COX5B: variants seen among roughly 807,000 people sequenced by gnomAD.
COX5B encodes cytochrome c oxidase subunit 5B, mitochondrial.
In COX5B, 8 loss-of-function variants were observed where a neutral mutation model predicts 16.2. The ratio of observed to expected loss-of-function variants is 0.49; its 90% confidence interval spans 0.29 to 0.89. COX5B has a LOEUF of 0.89. Among genes scored for constraint, COX5B ranks in the 40% least tolerant of loss-of-function variants. COX5B has a pLI of 0.08. For missense variants in COX5B, 161 were observed against 168.7 expected (o/e 0.95, Z 0.25); for synonymous variants, 65 against 67.6 (o/e 0.96, Z 0.19).
chr2:97,647,437 T>C lies in COX5B; in HGVS notation c.271T>C (p.Cys91Arg). 6.2e-7 allele frequency: 1 copy of C among 1,613,182 alleles called. No homozygotes were observed. The highest frequency in any genetic ancestry group is 8.5e-7 in the Non-Finnish European group (1 of 1,179,256). Residue 91 changes from cysteine to arginine, a missense_variant, in exon 3 of 4, where the codon TGC (cysteine) becomes CGC (arginine). Physicochemically the swap from Cys to Arg is radical, Grantham distance 180. Coordinates refer to ENST00000258424, the MANE Select transcript of COX5B (RefSeq NM_001862.3). ...PSISNKRIVG[C>R]ICEEDNTSVV... ...CATCTCCAACAAGAGAATAGTAGGC[T>C]GCATCTGTAAGTACCTCACCTCTAT...
intron 3 of COX5B, 126 bp downstream of exon 3, chr2:97,647,569 A>C: frequency 6.2e-6 from 5 of 809,746 alleles, no homozygotes; most frequent in Non-Finnish European, 1.0e-5. Flanking sequence ...TGACACTCTC[A>C]AGCCTCATTA....
At chr2:97,646,732 C>T (rs1674660592) in intron 1 of COX5B, 1 of 254,584 alleles carries the variant, frequency 3.9e-6, no homozygotes, top group Non-Finnish European at 7.8e-6. Context: ...CCTGTAGTCC[C>T]AGCTACTCGG....
Position 97,648,184 on chromosome 2 carries a change from C to G in COX5B, c.*76C>G. ...TAAAGACTAGCCATTGCATTGGCTC[C>G]TTCTCCCATAGATGGCTGGTCTTAT... On this transcript the variant is annotated 3_prime_UTR_variant, in exon 4 of 4. Coordinates refer to ENST00000258424, the MANE Select transcript of COX5B (RefSeq NM_001862.3). 1 of 1,176,520 alleles carries G rather than the reference C, an allele frequency of 8.5e-7. No homozygotes were observed. Among genetic ancestry groups the G allele is most frequent in the Non-Finnish European group, 1.2e-6 (1 of 839,392 alleles). The allele number at this position is 1,176,520 out of a possible 1,614,324, so 72.9% of individuals were successfully genotyped here.
chr2:97,647,988 C>T lies in COX5B; in HGVS notation c.278-8C>T. The T allele has an allele frequency of 6.2e-7, 1 of 1,609,986 alleles. No individual in the cohort carries two copies. The highest frequency in any genetic ancestry group is 8.5e-7 in the Non-Finnish European group (1 of 1,178,830). ...GGATGACCATAAACCACCTTTTTTC[C>T]CTTTTAGGTGAAGAGGACAATACCA... On this transcript the variant is annotated splice_polypyrimidine_tract_variant and splice_region_variant and intron_variant, in intron 3 of 3. Coordinates refer to ENST00000258424, the MANE Select transcript of COX5B (RefSeq NM_001862.3).
chr2:97,647,302 C>T (rs371147857), intron 2 of COX5B, 42 bp from the exon 3 acceptor site: 2 of 1,588,506 alleles, frequency 1.3e-6, no homozygotes, highest in African/African-American at 2.7e-5. Context: ...TGGTTCAATT[C>T]TTGTTTTTTT....
chr2:97,647,215 G>A, intron 2 of COX5B, 75 bp downstream of exon 2: 1 of 1,552,218 alleles, frequency 6.4e-7, no homozygotes, highest in Non-Finnish European at 8.9e-7. Context: ...CTCCTCTCTG[G>A]GAGTATTTGA....
At chr2:97,647,201 T>A in intron 2 of COX5B, 61 bp downstream of exon 2, 2 of 1,568,858 alleles carry the variant, frequency 1.3e-6, no homozygotes, top group South Asian at 2.2e-5. Flanking sequence ...GTGTTCATAG[T>A]GGTCTCCTCT....
chr2:97,647,353 A>G lies in COX5B; in HGVS notation c.187A>G (p.Asn63Asp), dbSNP rs1382352728. Residue 63 changes from asparagine (N) to aspartate (D), a missense_variant, in exon 3 of 4, where the codon AAT becomes GAT. Transcript: ENST00000258424. ...LAAKKGLDPYNVLAPKGASGT... is the reference protein window; with the variant it reads ...LAAKKGLDPYDVLAPKGASGT... ...TTTGTTTTTTCTTCAGGACCCATAC[A>G]ATGTACTGGCCCCAAAGGGAGCTTC... 11 of 1,613,554 alleles carry G rather than the reference A, an allele frequency of 6.8e-6. No individual in the cohort carries two copies. Among genetic ancestry groups the G allele is most frequent in the Non-Finnish European group, 9.3e-6 (11 of 1,179,888 alleles).
In COX5B at chr2:97,647,074, T is replaced by C; in HGVS notation, c.111T>C (p.Val37=). ...AMRSMASGGG[V]PTDEEQATGL... ...CACGTTATCTTCCTTTAGGTGGTGT[T>C]CCCACTGATGAAGAGCAGGCGACTG... is the stretch of plus-strand genomic sequence containing the variant. The change falls in exon 2 of 4, where the codon GTT becomes GTC. Residue 37 remains valine (V), a synonymous_variant. Coordinates refer to ENST00000258424, the MANE Select transcript of COX5B (RefSeq NM_001862.3). 1 of 1,614,106 alleles carries C rather than the reference T, an allele frequency of 6.2e-7. No individual in the cohort carries two copies. Among genetic ancestry groups the C allele is most frequent in the Non-Finnish European group, 8.5e-7 (1 of 1,179,968 alleles).
rs1433180065 is a variant in COX5B, at chr2:97,647,270, AG to A, written c.178-72del. On this transcript the variant is annotated intron_variant, in intron 2 of 3. Transcript: ENST00000258424. ...AGGAACAGTCCCCTGAGCTTCTGGA[AG>A]GTAGGGCTTATTTGGCCTAATGGTT... 148 of 1,534,440 alleles carry A rather than the reference AG, an allele frequency of 9.6e-5. 1 individual carries two copies. The highest frequency in any genetic ancestry group is 1.3e-4 in the Non-Finnish European group (142 of 1,111,494).
Position 97,646,144 on chromosome 2 carries a change from C to G in COX5B, c.58C>G (p.Arg20Gly). The G allele has an allele frequency of 1.3e-6, 2 of 1,556,318 alleles. No homozygotes were observed. Among genetic ancestry groups the G allele is most frequent in the Non-Finnish European group, 1.7e-6 (2 of 1,149,872 alleles). ...GTLAAQALRA[R>G]GPSGAAAMRS... ...GCTGGCCGCGCAGGCCCTGAGGGCT[C>G]GCGGCCCCAGTGGCGCGGCCGCGAT... Residue 20 changes from arginine to glycine, a missense_variant, in exon 1 of 4, where the codon CGC becomes GGC. Coordinates refer to ENST00000258424, the MANE Select transcript of COX5B (RefSeq NM_001862.3).
chr2:97,647,333 T>G lies in COX5B; in HGVS notation c.178-11T>G. 6.2e-7 allele frequency: 1 copy of G among 1,605,614 alleles called. No individual in the cohort carries two copies. The highest frequency in any genetic ancestry group is 8.5e-7 in the Non-Finnish European group (1 of 1,177,366). ...TTTTTTGTTTTGTTTTGTTTTTTGT[T>G]TTTTCTTCAGGACCCATACAATGTA... On this transcript the variant is annotated splice_polypyrimidine_tract_variant and intron_variant, in intron 2 of 3. Coordinates refer to ENST00000258424, the MANE Select transcript of COX5B (RefSeq NM_001862.3).
chr2:97,647,103 T>G lies in COX5B; in HGVS notation c.140T>G (p.Leu47Trp). 1 of 1,614,170 alleles carries G rather than the reference T, an allele frequency of 6.2e-7. No individual in the cohort carries two copies. Among genetic ancestry groups the G allele is most frequent in the Non-Finnish European group, 8.5e-7 (1 of 1,180,016 alleles). The change falls in exon 2 of 4, where the codon TTG becomes TGG. Residue 47 changes from leucine to tryptophan, a missense_variant. Physicochemically the swap from Leu to Trp is moderately conservative, Grantham distance 61. Transcript: ENST00000258424. ...ACTGATGAAGAGCAGGCGACTGGGT[T>G]GGAGAGGGAGATCATGCTGGCTGCA... The part of the protein sequence containing the change: ...VPTDEEQATG[L>W]EREIMLAAKK...
chr2:97,647,074 TC>T lies in COX5B; in HGVS notation c.114del (p.Thr39LeufsTer41). ...CACGTTATCTTCCTTTAGGTGGTGT[TC>T]CCACTGATGAAGAGCAGGCGACTGG... ...MRSMASGGGV[P>X]TDEEQATGLE... On this transcript the variant is annotated frameshift_variant, in exon 2 of 4. Transcript: ENST00000258424. LOFTEE classifies it high-confidence loss of function. 1 of 1,614,106 alleles carries T rather than the reference TC, an allele frequency of 6.2e-7. No individual in the cohort carries two copies. Among genetic ancestry groups the T allele is most frequent in the Non-Finnish European group, 8.5e-7 (1 of 1,179,968 alleles).
intron 1 of COX5B, chr2:97,646,866 C>G: frequency 2.1e-6 from 1 of 477,548 alleles, no homozygotes; most frequent in Non-Finnish European, 3.8e-6. Flanking sequence ...AAAAAAAAAG[C>G]TCCCCCGAGT....
intron 1 of COX5B, 186 bp from the exon 2 acceptor site, chr2:97,646,881 C>T: frequency 1.8e-6 from 1 of 542,924 alleles, no homozygotes; most frequent in Non-Finnish European, 3.3e-6. Flanking sequence ...CCGAGTGCTG[C>T]CGCTTGTGTG....
At chr2:97,647,256 C>T (rs1674674683) in intron 2 of COX5B, 88 bp from the exon 3 acceptor site, 4 of 1,519,988 alleles carry the variant, frequency 2.6e-6, no homozygotes, top group Admixed American at 3.4e-5. Flanking sequence ...GGAACAGTCC[C>T]CTGAGCTTCT....
At chr2:97,647,952 C>T in intron 3 of COX5B, 44 bp from the exon 4 acceptor site, 1 of 1,545,432 alleles carries the variant, frequency 6.5e-7, no homozygotes, top group South Asian at 1.1e-5. Flanking sequence ...GAAAGTCTCC[C>T]TTTCTAGGTT....
rs1184295082 is a variant in COX5B at position 97,646,082 on chromosome 2, A to G, written c.-5A>G. On this transcript the variant is annotated 5_prime_UTR_variant, in exon 1 of 4. Coordinates refer to ENST00000258424, the MANE Select transcript of COX5B (RefSeq NM_001862.3). ...CCGGAAGTTTTGCTGCTAGTCGCGG[A>G]CGCAATGGCTTCAAGGTTACTTCGC... The G allele has an allele frequency of 9.0e-6, 14 of 1,553,012 alleles. No homozygotes were observed. Among genetic ancestry groups the G allele is most frequent in the Non-Finnish European group, 1.2e-5 (14 of 1,147,584 alleles).
Sources: gnomAD v4.1 joint callset for allele counts on GRCh38, gnomAD v4.1.1 for gene constraint, MANE v1.5 for transcripts, NCBI Gene and HGNC (gene_info 2026-07-23, HGNC 2026-07-21) for gene names.